The following SMCO1 variants were observed in gnomAD, a reference collection of about 807,000 sequenced individuals.
The protein encoded by SMCO1 is single-pass membrane protein with coiled-coil domains 1, also known as single-pass membrane and coiled-coil domain-containing protein 1.
In SMCO1, 9 loss-of-function variants were observed where a neutral mutation model predicts 7.5. The ratio of observed to expected loss-of-function variants is 1.20; its 90% CI spans 0.72 to 2.09. SMCO1 has a LOEUF of 2.09. Ranked by LOEUF, SMCO1 falls within the 30% of genes most tolerant of loss-of-function variation. The pLI is 0.00. For missense variants in SMCO1, 219 were observed against 253.1 expected (o/e 0.87, Z 0.91); for synonymous variants, 90 against 93.8 (o/e 0.96, Z 0.23).
chr3:196,516,362 G>A (rs113179387), upstream of SMCO1, among the ~76,000 whole-genome samples: 25 of 152,006 alleles, frequency 1.6e-4, no homozygotes, highest in African/African-American at 5.5e-4. Context: ...AAAGGTCAAG[G>A]TCTTTGATTA....
At chr3:196,512,212 G>A (rs1234972127) in intron 1 of SMCO1, among the ~76,000 whole-genome samples, 1 of 146,864 alleles carries the variant, frequency 6.8e-6, no homozygotes, top group Admixed American at 6.7e-5. Context: ...GTGGTTATGA[G>A]AGAAACTTGC....
At chr3:196,518,963 A>C (rs943357527), upstream of SMCO1, among the ~76,000 whole-genome samples, 2 of 152,184 alleles carry the variant, frequency 1.3e-5, no homozygotes, top group Non-Finnish European at 2.9e-5. Flanking sequence ...TGAGGCCAGG[A>C]AAAGTTCTTA....
chr3:196,516,864 T>C (rs6763760), upstream of SMCO1, among the ~76,000 whole-genome samples: 75,037 of 151,764 alleles, frequency 0.49, 21,113 homozygotes, highest in African/African-American at 0.77. Flanking sequence ...TTTGGGAGGC[T>C]GAGGTGGGTA....
upstream of SMCO1, chr3:196,515,359 A>G (rs1188984741): frequency 4.8e-6 from 3 of 622,372 alleles, no homozygotes; most frequent in East Asian, 2.7e-5. Flanking sequence ...AAGGTCACTC[A>G]GTACAAGAAG....
chr3:196,512,175 G>A (rs559400977), intron 1 of SMCO1, among the ~76,000 whole-genome samples: 1 of 151,430 alleles, frequency 6.6e-6, no homozygotes, highest in East Asian at 2.0e-4. Flanking sequence ...GTGGTTATGA[G>A]GGAAACTTGC....
upstream of SMCO1, among the ~76,000 whole-genome samples, chr3:196,518,310 T>C (rs1733430168): frequency 6.6e-6 from 1 of 152,254 alleles, no homozygotes; most frequent in African/African-American, 2.4e-5. Flanking sequence ...GTTATTCCAT[T>C]TGGAGCCCTC....
At chr3:196,519,920 A>C (rs1412602550), upstream of SMCO1, among the ~76,000 whole-genome samples, 1 of 151,736 alleles carries the variant, frequency 6.6e-6, no homozygotes. Flanking sequence ...CCAGGAACCA[A>C]GGAGGGAAAA....
chr3:196,517,399 C>A (rs1733413711), upstream of SMCO1, among the ~76,000 whole-genome samples: 1 of 152,094 alleles, frequency 6.6e-6, no homozygotes, highest in Admixed American at 6.6e-5. Flanking sequence ...CACCCACCAA[C>A]CTCTAGGAAA....
chr3:196,516,594 T>C (rs1415237761), upstream of SMCO1, among the ~76,000 whole-genome samples: 2 of 152,208 alleles, frequency 1.3e-5, no homozygotes, highest in Admixed American at 6.5e-5. Flanking sequence ...CAATATTTAC[T>C]GAGCATCATA....
At position 196,508,143 on chromosome 3, in the gene SMCO1, C is replaced by G; in HGVS notation, c.389G>C (p.Gly130Ala). Residue 130 changes from glycine to alanine, a missense_variant, in exon 3 of 3, where the codon GGG becomes GCG. Gly to Ala is a moderately conservative substitution (Grantham distance 60). Coordinates refer to ENST00000397537, the MANE Select transcript of SMCO1 (RefSeq NM_001077657.3). ...VVWESILEEC[G>A]LQEGDITALC... ...TGCTGTGATGTCTCCTTCTTGCAGCCCACACTCCTCCAGTATGGACTCCCA... is the reference window on the plus strand; with the variant it reads ...TGCTGTGATGTCTCCTTCTTGCAGCGCACACTCCTCCAGTATGGACTCCCA... The G allele has an allele frequency of 6.2e-7, 1 of 1,614,094 alleles. No homozygotes were observed. The highest frequency in any genetic ancestry group is 1.3e-5 in the African/African-American group (1 of 75,006).
At chr3:196,516,025 ATAT>A, upstream of SMCO1, among the ~76,000 whole-genome samples, 1 of 117,878 alleles carries the variant, frequency 8.5e-6, no homozygotes, top group Admixed American at 9.5e-5. Context: ...ATATATATAT[ATAT>A]ATAATTATAT....
intron 2 of SMCO1, among the ~76,000 whole-genome samples, chr3:196,509,215 A>C (rs1427010838): frequency 9.0e-6 from 1 of 111,714 alleles, no homozygotes; most frequent in African/African-American, 3.9e-5. Flanking sequence ...ACACCCGGCT[A>C]ATTTTTTTTT....
upstream of SMCO1, among the ~76,000 whole-genome samples, chr3:196,517,186 T>TC (rs1174493372): frequency 6.8e-6 from 1 of 147,072 alleles, no homozygotes; most frequent in African/African-American, 2.5e-5. Context: ...TTGGTCTTCG[T>TC]CCCCATTTCA....
In SMCO1 at chr3:196,507,766, A is replaced by T; in HGVS notation, c.*121T>A. ...GTATCTATTGTATCAATTTGTCATAATTTATTTAACATCCTCTCACTCTTT... is the reference window on the plus strand; with the variant it reads ...GTATCTATTGTATCAATTTGTCATATTTTATTTAACATCCTCTCACTCTTT... On this transcript the variant is annotated 3_prime_UTR_variant, in exon 3 of 3. Transcript: ENST00000397537. The T allele has an allele frequency of 1.6e-6, 1 of 640,460 alleles. No individual in the cohort carries two copies. Among genetic ancestry groups the T allele is most frequent in the Non-Finnish European group, 2.7e-6 (1 of 368,708 alleles). 39.7% of individuals were successfully genotyped at this position (640,460 alleles called of 1,614,324 possible).
rs961746431 is a variant in SMCO1, at chr3:196,507,052, T to C, written c.*835A>G. ...TGCTTGACAAAGCACCATTCAGAAA[T>C]AGGCACGATAGTGTAGAGGACCAAT... is the stretch of plus-strand genomic sequence containing the variant. On this transcript the variant is annotated 3_prime_UTR_variant, in exon 3 of 3. Coordinates refer to ENST00000397537, the MANE Select transcript of SMCO1 (RefSeq NM_001077657.3). 1 of 152,134 alleles carries C rather than the reference T, an allele frequency of 6.6e-6. No individual in the cohort carries two copies. The highest frequency in any genetic ancestry group is 1.5e-5 in the Non-Finnish European group (1 of 68,052). The allele number at this position is 152,134 out of a possible 1,614,324, so 9.4% of individuals were successfully genotyped here.
At chr3:196,512,328 G>A (rs1733265866) in intron 1 of SMCO1, among the ~76,000 whole-genome samples, 1 of 152,098 alleles carries the variant, frequency 6.6e-6, no homozygotes, top group South Asian at 2.1e-4. Flanking sequence ...TATGAGGGAA[G>A]TGATGCGTCA....
chr3:196,508,950 AAAAG>A lies in SMCO1; in HGVS notation c.200+566_200+569del, dbSNP rs1264995202. On this transcript the variant is annotated intron_variant, in intron 2 of 2. Coordinates refer to ENST00000397537, the MANE Select transcript of SMCO1 (RefSeq NM_001077657.3). ...AGACTCCATCTCAAAAAAAAAAAAA[AAAAG>A]AAAAAAAAATTAATGCAAATAAGGC... Among the ~76,000 whole-genome samples the A allele has an allele frequency of 2.8e-3, 415 of 148,786 alleles. 5 individuals are homozygous for A. The highest frequency in any genetic ancestry group is 0.01 in the African/African-American group (394 of 39,206).
chr3:196,507,679 G>T lies in SMCO1; in HGVS notation c.*208C>A. ...AACATTTGAAAACAACAATACATTT[G>T]GTGATCACTTCATATCATTACACAA... On this transcript the variant is annotated 3_prime_UTR_variant, in exon 3 of 3. Coordinates refer to ENST00000397537, the MANE Select transcript of SMCO1 (RefSeq NM_001077657.3). The T allele has an allele frequency of 2.4e-6, 1 of 409,100 alleles. No individual in the cohort carries two copies. Among genetic ancestry groups the T allele is most frequent in the South Asian group, 4.1e-5 (1 of 24,680 alleles). 25.3% of individuals were successfully genotyped at this position (409,100 alleles called of 1,614,324 possible).
Position 196,508,025 on chromosome 3 carries a change from A to C in SMCO1, c.507T>G (p.Ile169Met), listed in dbSNP as rs1733099196. 5.6e-6 allele frequency: 9 copies of C among 1,614,100 alleles called. No homozygotes were observed. Among genetic ancestry groups the C allele is most frequent in the East Asian group, 2.2e-5 (1 of 44,892 alleles). Residue 169 changes from isoleucine to methionine, a missense_variant, in exon 3 of 3, where the codon ATT becomes ATG. Ile to Met is a conservative substitution (Grantham distance 10, BLOSUM62 1). Coordinates refer to ENST00000397537, the MANE Select transcript of SMCO1 (RefSeq NM_001077657.3). ...GAGCCTGGTTCTTTACCATGTTAGT[A>C]ATTAGGAACGTGACATCCCTGATGT... is the stretch of plus-strand genomic sequence containing the variant. ...QMYIRDVTFL[I>M]TNMVKNQALQ... is the part of the protein sequence containing the mutation.
Sources: gnomAD v4.1 joint callset for allele counts (sites outside exome capture counted in the v4.1 genomes callset) on GRCh38, gnomAD v4.1.1 for gene constraint, MANE v1.5 for transcripts, NCBI Gene and HGNC (gene_info 2026-07-23, HGNC 2026-07-21) for gene names.